Variants in PDE4D observed in about 807,000 individuals in gnomAD.
The protein encoded by PDE4D is phosphodiesterase 4D, also known as 3',5'-cyclic-AMP phosphodiesterase 4D.
In PDE4D, 24 loss-of-function variants were observed where a neutral mutation model predicts 87.4. That is an observed-to-expected ratio of 0.27 (90% CI 0.20 to 0.39). The LOEUF (loss-of-function observed/expected upper bound fraction) is 0.39, where lower values mean the gene tolerates loss of function less well. Ranked by LOEUF, PDE4D falls within the 10% of genes least tolerant of loss-of-function variation. The pLI is 1.00. For missense variants in PDE4D, 714 were observed against 1,041.0 expected (o/e 0.69, Z 4.32); for synonymous variants, 384 against 383.2 (o/e 1.00, Z -0.02).
chr5:59,010,985 T>C (rs1374885561), intron 6 of PDE4D, among the ~76,000 whole-genome samples: 1 of 152,140 alleles, frequency 6.6e-6, no homozygotes, highest in Non-Finnish European at 1.5e-5. Context: ...CGTTCTGCAA[T>C]ATTTGCGGTT....
intron 3 of PDE4D, among the ~76,000 whole-genome samples, chr5:59,904,427 CA>C (rs1209745672): frequency 6.6e-6 from 1 of 152,130 alleles, no homozygotes; most frequent in Non-Finnish European, 1.5e-5. Flanking sequence ...TAGGATTAGC[CA>C]TCCAAGTTTA....
At chr5:59,608,585 T>C (rs1262939045) in intron 1 of PDE4D, among the ~76,000 whole-genome samples, 2 of 151,994 alleles carry the variant, frequency 1.3e-5, no homozygotes, top group Admixed American at 1.3e-4. Flanking sequence ...TTGAGAGAAG[T>C]TTTAAATTGC....
chr5:59,300,995 G>T (rs910017795), intron 1 of PDE4D, among the ~76,000 whole-genome samples: 7 of 152,188 alleles, frequency 4.6e-5, no homozygotes, highest in Non-Finnish European at 1.0e-4. Context: ...TGCATATAGG[G>T]TGAGGTATGG....
intron 6 of PDE4D, among the ~76,000 whole-genome samples, chr5:59,021,181 G>A (rs889134580): frequency 6.6e-6 from 1 of 152,148 alleles, no homozygotes; most frequent in African/African-American, 2.4e-5. Context: ...AGACCTACAG[G>A]AGACCCTCTC....
At chr5:59,561,141 A>G (rs1049265703) in intron 1 of PDE4D, among the ~76,000 whole-genome samples, 1 of 152,124 alleles carries the variant, frequency 6.6e-6, no homozygotes, top group Non-Finnish European at 1.5e-5. Context: ...GAAGCATTTA[A>G]TTGTGACTTC....
At chr5:60,032,056 T>C (rs1214692460) in intron 2 of PDE4D, among the ~76,000 whole-genome samples, 6 of 152,172 alleles carry the variant, frequency 3.9e-5, no homozygotes, top group African/African-American at 1.4e-4. Flanking sequence ...TTCTGAAGTA[T>C]TTAGTAAAAC....
chr5:60,229,240 C>A (rs567794100), intron 1 of PDE4D, among the ~76,000 whole-genome samples: 1 of 152,238 alleles, frequency 6.6e-6, no homozygotes, highest in South Asian at 2.1e-4. Context: ...AATATATTCA[C>A]TTCAGAACTT....
At chr5:60,122,015 G>C (rs1344019414) in intron 2 of PDE4D, among the ~76,000 whole-genome samples, 1 of 152,138 alleles carries the variant, frequency 6.6e-6, no homozygotes, top group African/African-American at 2.4e-5. Context: ...AAATCCAGCA[G>C]GGCAGTCAAA....
rs532392077 is a variant in PDE4D, at chr5:59,829,822, G to A, written c.455+63346C>T. Among the ~76,000 whole-genome samples, 52 of 152,058 alleles carry A rather than the reference G, an allele frequency of 3.4e-4. 1 individual carries two copies. The Middle Eastern group carries it at 0.01, about 30-fold the overall frequency. ...TTCCCATATTACTTAAAAAGCAGTAGGGCGAGAGAGGCCATGGATAAACCT... is the reference window on the plus strand; with the variant it reads ...TTCCCATATTACTTAAAAAGCAGTAAGGCGAGAGAGGCCATGGATAAACCT... On this transcript the variant is annotated intron_variant, in intron 1 of 14. Coordinates refer to ENST00000340635, the MANE Select transcript of PDE4D (RefSeq NM_001104631.2).
At chr5:59,038,785 T>C (rs1041162125) in intron 6 of PDE4D, 74 bp downstream of exon 6, 3 of 1,318,218 alleles carry the variant, frequency 2.3e-6, no homozygotes, top group Non-Finnish European at 3.0e-6. Flanking sequence ...TTCCCGGGGC[T>C]ATGGGTACCA....
At chr5:60,474,989 A>G (rs189221219) in intron 1 of PDE4D, among the ~76,000 whole-genome samples, 1 of 152,258 alleles carries the variant, frequency 6.6e-6, no homozygotes, top group Admixed American at 6.5e-5. Flanking sequence ...TCAATACTTT[A>G]CCTTTTTTTA....
chr5:60,434,572 A>G (rs1421304839), intron 1 of PDE4D, among the ~76,000 whole-genome samples: 1 of 152,208 alleles, frequency 6.6e-6, no homozygotes, highest in Non-Finnish European at 1.5e-5. Context: ...AACATTAACC[A>G]AAGTGGTTTT....
intron 1 of PDE4D, chr5:59,592,056 A>C (rs1295692519): frequency 1.4e-6 from 1 of 730,200 alleles, no homozygotes; most frequent in Non-Finnish European, 1.7e-6. Context: ...CATCAGAATG[A>C]GACCTGAGGT....
At chr5:59,547,316 C>A (rs1424597217) in intron 1 of PDE4D, among the ~76,000 whole-genome samples, 1 of 151,928 alleles carries the variant, frequency 6.6e-6, no homozygotes. Context: ...AAAAAAGGGG[C>A]AGTATATACA....
intron 1 of PDE4D, among the ~76,000 whole-genome samples, chr5:59,465,875 T>A (rs1413333013): frequency 1.3e-5 from 2 of 152,212 alleles, no homozygotes; most frequent in African/African-American, 2.4e-5. Context: ...GATTCCTTTT[T>A]TACAGATGGA....
chr5:59,026,558 C>G (rs751786442), intron 6 of PDE4D, among the ~76,000 whole-genome samples: 94 of 152,086 alleles, frequency 6.2e-4, no homozygotes, highest in Non-Finnish European at 1.1e-3. Flanking sequence ...GCTAAAAACA[C>G]CGTAGAAGAC....
At chr5:59,921,853 A>G (rs1754702103) in intron 3 of PDE4D, among the ~76,000 whole-genome samples, 1 of 152,174 alleles carries the variant, frequency 6.6e-6, no homozygotes, top group Non-Finnish European at 1.5e-5. Context: ...TTTAACAATG[A>G]TCCACACAAA....
chr5:59,424,489 T>C (rs1794918098), intron 1 of PDE4D, among the ~76,000 whole-genome samples: 1 of 152,128 alleles, frequency 6.6e-6, no homozygotes, highest in Non-Finnish European at 1.5e-5. Flanking sequence ...CAGTTCCACA[T>C]GGCTGGGAAG....
At chr5:59,757,925 A>G (rs1761483329) in intron 1 of PDE4D, among the ~76,000 whole-genome samples, 1 of 152,214 alleles carries the variant, frequency 6.6e-6, no homozygotes, top group Non-Finnish European at 1.5e-5. Context: ...GTCAACTTCT[A>G]TACAAGCCAC....
Sources: allele counts gnomAD v4.1 joint callset (sites outside exome capture counted in the v4.1 genomes callset), GRCh38; gene constraint gnomAD v4.1.1; transcripts MANE v1.5; gene names NCBI Gene and HGNC (gene_info 2026-07-23, HGNC 2026-07-21).